Variants in DLGAP2 observed in about 807,000 individuals in gnomAD.
DLGAP2 encodes disks large-associated protein 2.
A neutral mutation model predicts 100.3 loss-of-function variants in DLGAP2; 26 were observed. The observed-to-expected ratio is 0.26, with a 90% CI of 0.19 to 0.36. The LOEUF (loss-of-function observed/expected upper bound fraction) is 0.36, where lower values mean the gene tolerates loss of function less well. DLGAP2 is among the 10% of genes least tolerant of loss of function. The pLI is 1.00. For missense variants in DLGAP2, 1,858 were observed against 1,453.2 expected (o/e 1.28, Z -4.53); for synonymous variants, 886 against 630.1 (o/e 1.41, Z -6.08).
intron 2 of DLGAP2, among the ~76,000 whole-genome samples, chr8:1,243,408 G>A (rs867410999): frequency 3.7e-4 from 57 of 152,270 alleles, no homozygotes; most frequent in Admixed American, 1.6e-3. Context: ...TTCCTCCTGC[G>A]CAGCTGCCTG....
intron 1 of DLGAP2, among the ~76,000 whole-genome samples, chr8:785,968 C>G (rs976377311): frequency 4.6e-5 from 7 of 152,224 alleles, no homozygotes; most frequent in African/African-American, 1.7e-4. Context: ...CAGGCGATAT[C>G]ACGTACCCCG....
chr8:1,512,494 A>T (rs1032295881), intron 4 of DLGAP2, among the ~76,000 whole-genome samples: 1 of 152,052 alleles, frequency 6.6e-6, no homozygotes, highest in Admixed American at 6.5e-5. Flanking sequence ...GGAGTCTAGC[A>T]TGGGAAAATC....
intron 1 of DLGAP2, among the ~76,000 whole-genome samples, chr8:745,111 G>T (rs1476677817): frequency 6.6e-6 from 1 of 152,218 alleles, no homozygotes; most frequent in East Asian, 1.9e-4. Context: ...CTTCCGAGTT[G>T]TGGGTGCTGG....
rs543767802 is a variant in DLGAP2 at position 1,004,129 on chromosome 8, T to G, written c.73+96163T>G. On this transcript the variant is annotated intron_variant, in intron 2 of 14. Transcript: ENST00000637795. ...GTATTAAAACAAAAATTTAATTTCC[T>G]AAAGCTTTTTCCATACAAATTAAAA... Among the ~76,000 whole-genome samples the G allele has an allele frequency of 9.8e-5, 15 of 152,328 alleles. No individual in the cohort carries two copies. In the East Asian group the frequency reaches 2.9e-3, roughly 29 times the overall value.
intron 3 of DLGAP2, among the ~76,000 whole-genome samples, chr8:1,347,236 T>C (rs1015120892): frequency 6.6e-6 from 1 of 151,224 alleles, no homozygotes; most frequent in Admixed American, 6.6e-5. Flanking sequence ...ATTGCTCTAA[T>C]GGTGGCTGTG....
chr8:827,959 G>A (rs1031650447), intron 1 of DLGAP2, among the ~76,000 whole-genome samples: 19 of 152,132 alleles, frequency 1.2e-4, no homozygotes, highest in Non-Finnish European at 2.4e-4. Context: ...TAGGATCCGT[G>A]ATGCCCCACA....
At chr8:764,416 C>T (rs10091756) in intron 1 of DLGAP2, among the ~76,000 whole-genome samples, 39,695 of 152,134 alleles carry the variant, frequency 0.26, 6,297 homozygotes, top group Non-Finnish European at 0.35. Flanking sequence ...CTTACATAAA[C>T]GCCTATTATA....
rs541541762 is a variant in DLGAP2, at chr8:987,533, G to A, written c.73+79567G>A. The stretch of plus-strand genomic sequence containing the variant: ...ACGACCTTCCCTTGTCCATTTTCCA[G>A]CCTCTGTTGTTGAACTACTGGTTTT... On this transcript the variant is annotated intron_variant, in intron 2 of 14. Coordinates refer to ENST00000637795, the MANE Select transcript of DLGAP2 (RefSeq NM_001346810.2). Among the ~76,000 whole-genome samples, 10 of 152,270 alleles carry A rather than the reference G, an allele frequency of 6.6e-5. No homozygotes were observed. The South Asian group carries it at 2.1e-3, about 32-fold the overall frequency.
intron 2 of DLGAP2, among the ~76,000 whole-genome samples, chr8:1,176,643 G>A (rs1049694174): frequency 6.6e-6 from 1 of 152,150 alleles, no homozygotes; most frequent in African/African-American, 2.4e-5. Flanking sequence ...GAAGAAGTTG[G>A]AGGCTGGGCG....
chr8:1,280,986 C>T (rs934994995), intron 3 of DLGAP2, among the ~76,000 whole-genome samples: 6 of 152,150 alleles, frequency 3.9e-5, no homozygotes, highest in Admixed American at 3.3e-4. Flanking sequence ...ACGAGGAATC[C>T]TTACGATAGC....
At chr8:803,164 G>T (rs1384892648) in intron 1 of DLGAP2, among the ~76,000 whole-genome samples, 1 of 151,970 alleles carries the variant, frequency 6.6e-6, no homozygotes, top group African/African-American at 2.4e-5. Context: ...TAGACTTTGG[G>T]CCTGGGTTCA....
At chr8:871,418 G>T (rs967262711) in intron 1 of DLGAP2, among the ~76,000 whole-genome samples, 1 of 152,180 alleles carries the variant, frequency 6.6e-6, no homozygotes, top group Non-Finnish European at 1.5e-5. Flanking sequence ...GGGTGATCCT[G>T]CTTCTGAGTC....
At chr8:993,769 T>C (rs1012906579) in intron 2 of DLGAP2, among the ~76,000 whole-genome samples, 1 of 145,002 alleles carries the variant, frequency 6.9e-6, no homozygotes, top group Non-Finnish European at 1.5e-5. Flanking sequence ...TAAGACACCA[T>C]GCAAGCAAAC....
intron 2 of DLGAP2, among the ~76,000 whole-genome samples, chr8:1,000,921 G>A (rs1234730746): frequency 6.6e-6 from 1 of 152,160 alleles, no homozygotes; most frequent in Admixed American, 6.5e-5. Context: ...CGGCCTCCGA[G>A]AGTGCCTGGG....
intron 1 of DLGAP2, among the ~76,000 whole-genome samples, chr8:842,601 G>A (rs1797002805): frequency 7.0e-6 from 1 of 143,244 alleles, no homozygotes; most frequent in Non-Finnish European, 1.5e-5. Flanking sequence ...TAAGTTTTCA[G>A]GGAACGTTTA....
chr8:1,628,192 A>G (rs1797555342), intron 7 of DLGAP2, among the ~76,000 whole-genome samples: 1 of 118,112 alleles, frequency 8.5e-6, no homozygotes, highest in African/African-American at 4.1e-5. Flanking sequence ...CTTACTGTGG[A>G]GCAGGAATTA....
At chr8:1,465,903 C>T (rs946043744) in intron 3 of DLGAP2, among the ~76,000 whole-genome samples, 2 of 152,114 alleles carry the variant, frequency 1.3e-5, no homozygotes, top group Admixed American at 6.5e-5. Context: ...TTATGGCCAA[C>T]GCCATGACAG....
intron 2 of DLGAP2, among the ~76,000 whole-genome samples, chr8:1,007,393 C>T (rs993176538): frequency 6.6e-6 from 1 of 152,210 alleles, no homozygotes; most frequent in Admixed American, 6.5e-5. Context: ...AGAAGGAAGA[C>T]CAGCATTTTC....
At chr8:1,116,710 A>G (rs965297552) in intron 2 of DLGAP2, among the ~76,000 whole-genome samples, 1 of 152,118 alleles carries the variant, frequency 6.6e-6, no homozygotes, top group Non-Finnish European at 1.5e-5. Context: ...CAGAGGTGGA[A>G]GGATTGCCTG....
Sources: allele counts gnomAD v4.1 joint callset (sites outside exome capture counted in the v4.1 genomes callset), GRCh38; gene constraint gnomAD v4.1.1; transcripts MANE v1.5; gene names NCBI Gene and HGNC (gene_info 2026-07-23, HGNC 2026-07-21).